The following MAP3K5 variants were observed in gnomAD, a reference collection of about 807,000 sequenced individuals.
The protein encoded by MAP3K5 is ASK-1.
In MAP3K5, 56 loss-of-function variants were observed where a neutral mutation model predicts 158.7. The ratio of observed to expected loss-of-function variants is 0.35; its 90% CI spans 0.28 to 0.44. The LOEUF is 0.44. Ranked by LOEUF, MAP3K5 falls within the 20% of genes least tolerant of loss-of-function variation. The probability of loss-of-function intolerance (pLI) is 1.00; values close to 1 mark genes in which losing one functional copy is unlikely to be tolerated. For missense variants in MAP3K5, 1,294 were observed against 1,674.8 expected, an observed-to-expected ratio of 0.77 and a Z score of 3.97; for synonymous variants, 579 against 601.7, an observed-to-expected ratio of 0.96 and a Z score of 0.55.
At chr6:136,604,309 G>A (rs1776006672) in intron 19 of MAP3K5, among the ~76,000 whole-genome samples, 1 of 149,592 alleles carries the variant, frequency 6.7e-6, no homozygotes, top group South Asian at 2.1e-4. Flanking sequence ...GTGATAGATC[G>A]AGACTCTGTC....
intron 24 of MAP3K5, among the ~76,000 whole-genome samples, chr6:136,582,520 G>T (rs1774936893): frequency 6.6e-6 from 1 of 152,212 alleles, no homozygotes; most frequent in Admixed American, 6.5e-5. Flanking sequence ...GGCTTTGCCA[G>T]TTGCTTTAAT....
chr6:136,696,988 A>C (rs1169509531), intron 5 of MAP3K5, among the ~76,000 whole-genome samples: 1 of 152,222 alleles, frequency 6.6e-6, no homozygotes. Flanking sequence ...GTTCTTTTGG[A>C]GGAAAAAGTC....
At position 136,745,603 on chromosome 6, in the gene MAP3K5, C is replaced by T. The variant is rs567755302; in HGVS notation, c.449-25014G>A. On this transcript the variant is annotated intron_variant, in intron 1 of 29. Transcript: ENST00000359015. The stretch of plus-strand genomic sequence containing the variant: ...CATCCTGCCCATGAACATCACAAGA[C>T]CCTGTTCACAGGGTGGACTCTAAAA... Among the ~76,000 whole-genome samples the T allele has an allele frequency of 8.5e-5, 13 of 152,288 alleles. No individual in the cohort carries two copies. In the East Asian group the frequency reaches 1.7e-3, roughly 20 times the overall value.
At position 136,622,856 on chromosome 6, in the gene MAP3K5, T is replaced by C; in HGVS notation, c.2142A>G (p.Arg714=). 6.2e-7 allele frequency: 1 copy of C among 1,613,930 alleles called. No homozygotes were observed. The highest frequency in any genetic ancestry group is 1.1e-5 in the South Asian group (1 of 91,078). Reference sequence around the variant, plus strand: ...AGCTACAATTACTGTACCTGCTGTCTCTCTCTGGGATTTCCTTAATAGCAA... The same window carrying C: ...AGCTACAATTACTGTACCTGCTGTCCCTCTCTGGGATTTCCTTAATAGCAA... ...VRIAIKEIPE[R]DSRYSQPLHE... is the part of the protein sequence containing the mutation. The change falls in exon 15 of 30, where the codon AGA becomes AGG. Residue 714 remains arginine (R), a synonymous_variant. Coordinates refer to ENST00000359015, the MANE Select transcript of MAP3K5 (RefSeq NM_005923.4).
At chr6:136,721,677 C>T (rs1006656766) in intron 1 of MAP3K5, among the ~76,000 whole-genome samples, 1 of 152,182 alleles carries the variant, frequency 6.6e-6, no homozygotes, top group African/African-American at 2.4e-5. Context: ...GCATCTCGAA[C>T]ATGCTCCAAG....
At chr6:136,633,645 A>C (rs949427332) in intron 14 of MAP3K5, among the ~76,000 whole-genome samples, 4 of 152,112 alleles carry the variant, frequency 2.6e-5, no homozygotes, top group African/African-American at 9.7e-5. Context: ...TCCCACCCAC[A>C]GTTGTACTGC....
At chr6:136,672,845 C>T (rs929097572) in intron 7 of MAP3K5, among the ~76,000 whole-genome samples, 1 of 151,714 alleles carries the variant, frequency 6.6e-6, no homozygotes, top group African/African-American at 2.4e-5. Flanking sequence ...TAAAAATTAG[C>T]CAGGCATGGT....
chr6:136,664,370 C>T (rs1444169584), intron 8 of MAP3K5, among the ~76,000 whole-genome samples: 3 of 152,024 alleles, frequency 2.0e-5, no homozygotes, highest in Non-Finnish European at 4.4e-5. Context: ...ATAATTATTT[C>T]ATTATATATT....
intron 1 of MAP3K5, among the ~76,000 whole-genome samples, chr6:136,741,789 T>C (rs772773215): frequency 2.6e-5 from 4 of 152,184 alleles, no homozygotes; most frequent in Non-Finnish European, 4.4e-5. Flanking sequence ...TAAGCAATTA[T>C]AGCAGGGTTT....
intron 14 of MAP3K5, among the ~76,000 whole-genome samples, chr6:136,628,579 G>T (rs1026435859): frequency 1.3e-5 from 2 of 152,168 alleles, no homozygotes; most frequent in African/African-American, 2.4e-5. Flanking sequence ...AAACCTTGAT[G>T]AGGCTGCTAA....
At chr6:136,700,108 AAG>A (rs1193926369) in intron 3 of MAP3K5, among the ~76,000 whole-genome samples, 1 of 152,062 alleles carries the variant, frequency 6.6e-6, no homozygotes, top group Non-Finnish European at 1.5e-5. Context: ...AAGAAGGAGA[AAG>A]AGAGAGAGAA....
chr6:136,601,131 T>A (rs1775856850), intron 20 of MAP3K5, 89 bp from the exon 21 acceptor site: 3 of 1,217,574 alleles, frequency 2.5e-6, no homozygotes. Flanking sequence ...ATGCCTGAAA[T>A]GGGGTCAATG....
intron 1 of MAP3K5, among the ~76,000 whole-genome samples, chr6:136,785,961 G>A (rs1291168641): frequency 2.0e-5 from 3 of 152,194 alleles, no homozygotes; most frequent in East Asian, 3.8e-4. Context: ...CTGTTTCTAA[G>A]AAAAGTGTGC....
chr6:136,624,896 C>T (rs1167546762), intron 14 of MAP3K5, among the ~76,000 whole-genome samples: 4 of 152,092 alleles, frequency 2.6e-5, no homozygotes, highest in Non-Finnish European at 4.4e-5. Flanking sequence ...AGAAGAGAGG[C>T]TCTGGATTTG....
At chr6:136,588,282 T>C (rs1450347675) in intron 23 of MAP3K5, among the ~76,000 whole-genome samples, 1 of 152,180 alleles carries the variant, frequency 6.6e-6, no homozygotes, top group Non-Finnish European at 1.5e-5. Context: ...AGAGCCAAAC[T>C]GCCTGGGTCA....
Position 136,637,298 on chromosome 6 carries a change from A to C in MAP3K5, c.2016+27T>G, listed in dbSNP as rs1209749650. 4 of 1,546,726 alleles carry C rather than the reference A, an allele frequency of 2.6e-6. No individual in the cohort carries two copies. The African/African-American group carries it at 4.1e-5, about 16-fold the overall frequency. On this transcript the variant is annotated intron_variant, in intron 14 of 29. Coordinates refer to ENST00000359015, the MANE Select transcript of MAP3K5 (RefSeq NM_005923.4). ...ATAGTTTGTTTTAAAATGAGCTCTAAATGTAAATGGACACCTAAGTCATTA... is the reference window on the plus strand; with the variant it reads ...ATAGTTTGTTTTAAAATGAGCTCTACATGTAAATGGACACCTAAGTCATTA...
chr6:136,630,253 C>G (rs1411417198), intron 14 of MAP3K5: 1 of 152,496 alleles, frequency 6.6e-6, no homozygotes, highest in Non-Finnish European at 1.5e-5. Context: ...TACAGCTATA[C>G]CACCCTGAAT....
chr6:136,768,982 T>A (rs992276967), intron 1 of MAP3K5, among the ~76,000 whole-genome samples: 2 of 151,712 alleles, frequency 1.3e-5, no homozygotes, highest in African/African-American at 4.8e-5. Context: ...AATTACCGTA[T>A]GACCCAGCAA....
In MAP3K5 at chr6:136,624,030, C is replaced by T. The variant is rs559996238; in HGVS notation, c.2017-1049G>A. 1.8e-4 allele frequency among the ~76,000 whole-genome samples: 27 copies of T among 152,172 alleles called. No homozygotes were observed. The South Asian group carries it at 4.8e-3, about 27-fold the overall frequency. On this transcript the variant is annotated intron_variant, in intron 14 of 29. Coordinates refer to ENST00000359015, the MANE Select transcript of MAP3K5 (RefSeq NM_005923.4). ...CCAACATGGCAAAACCCTGTCTCTA[C>T]TGAAAATACAAAAATTAGCTGGGTA...
Sources: allele counts gnomAD v4.1 joint callset (sites outside exome capture counted in the v4.1 genomes callset), GRCh38; gene constraint gnomAD v4.1.1; transcripts MANE v1.5; gene names NCBI Gene and HGNC (gene_info 2026-07-23, HGNC 2026-07-21).